PTPRD: variants seen among roughly 807,000 people sequenced by gnomAD.
PTPRD encodes receptor-type tyrosine-protein phosphatase delta.
Under a neutral mutation model 214.5 loss-of-function variants are expected in PTPRD, and 34 were observed. That is an observed-to-expected ratio of 0.16 (90% CI 0.12 to 0.21). PTPRD has a LOEUF of 0.21. Among genes scored for constraint, PTPRD ranks in the 10% least tolerant of loss-of-function variants. The pLI, the probability that PTPRD is intolerant of heterozygous loss-of-function variation, is 1.00. For missense variants in PTPRD, 2,545 were observed against 2,398.7 expected, an observed-to-expected ratio of 1.06 and a Z score of -1.27; for synonymous variants, 1,128 against 845.7, an observed-to-expected ratio of 1.33 and a Z score of -5.79.
chr9:8,756,972 C>A (rs1029528716), intron 11 of PTPRD, among the ~76,000 whole-genome samples: 1 of 151,990 alleles, frequency 6.6e-6, no homozygotes, highest in African/African-American at 2.4e-5. Context: ...GAAACCCTGT[C>A]TCTACTAAAA....
intron 9 of PTPRD, among the ~76,000 whole-genome samples, chr9:9,241,281 T>G (rs1342382522): frequency 3.9e-5 from 6 of 152,210 alleles, no homozygotes; most frequent in African/African-American, 1.4e-4. Flanking sequence ...GTAAATAGAA[T>G]GAAAATATTT....
chr9:9,333,283 G>C (rs942419822), intron 9 of PTPRD, among the ~76,000 whole-genome samples: 1 of 151,478 alleles, frequency 6.6e-6, no homozygotes, highest in Non-Finnish European at 1.5e-5. Context: ...GTAACAGAAA[G>C]GCAGAAAGAA....
At chr9:9,239,548 C>T (rs1274769114) in intron 9 of PTPRD, among the ~76,000 whole-genome samples, 1 of 152,100 alleles carries the variant, frequency 6.6e-6, no homozygotes. Context: ...TTGATACTTG[C>T]CTGATTTATT....
chr9:8,784,258 T>A (rs922294402), intron 11 of PTPRD, among the ~76,000 whole-genome samples: 2 of 152,216 alleles, frequency 1.3e-5, no homozygotes, highest in Non-Finnish European at 1.5e-5. Flanking sequence ...GGAAAGGTTA[T>A]TTTTAACTGG....
chr9:8,521,145 G>A, intron 20 of PTPRD, 132 bp downstream of exon 20: 1 of 1,084,106 alleles, frequency 9.2e-7, no homozygotes, highest in Non-Finnish European at 1.3e-6. Context: ...CCACAGATAT[G>A]ATTAGGTTAT....
At position 9,078,551 on chromosome 9, in the gene PTPRD, T is replaced by A. The variant is rs553238130; in HGVS notation, c.-142-59816A>T. On this transcript the variant is annotated intron_variant, in intron 10 of 45. Coordinates refer to ENST00000381196, the MANE Select transcript of PTPRD (RefSeq NM_002839.4). ...ATAAGAAAGAAATACTTGGCTCATG[T>A]TCCACTTTTTTATTATAAAACCTTT... 3.9e-5 allele frequency among the ~76,000 whole-genome samples: 6 copies of A among 152,228 alleles called. No individual in the cohort carries two copies. The South Asian group carries it at 1.2e-3, about 31-fold the overall frequency.
intron 7 of PTPRD, among the ~76,000 whole-genome samples, chr9:9,650,427 T>C (rs1161174472): frequency 6.6e-6 from 1 of 152,230 alleles, no homozygotes; most frequent in African/African-American, 2.4e-5. Context: ...TTATGGTGGA[T>C]AAGCTTTTAG....
chr9:8,818,451 T>A (rs528191086), intron 11 of PTPRD, among the ~76,000 whole-genome samples: 1 of 152,218 alleles, frequency 6.6e-6, no homozygotes, highest in Non-Finnish European at 1.5e-5. Flanking sequence ...ACAGGCCAGG[T>A]AGTGTCCTAA....
In PTPRD at chr9:9,211,523, A is replaced by G. The variant is rs879848172; in HGVS notation, c.-202-28160T>C. Among the ~76,000 whole-genome samples the G allele has an allele frequency of 7.6e-3, 497 of 65,208 alleles. 3 individuals carry two copies. Among genetic ancestry groups the G allele is most frequent in the African/African-American group, 0.018 (452 of 25,026 alleles). The allele number at this position is 65,208 out of a possible 152,430, so 42.8% of individuals were successfully genotyped here. On this transcript the variant is annotated intron_variant, in intron 9 of 45. Coordinates refer to ENST00000381196, the MANE Select transcript of PTPRD (RefSeq NM_002839.4). ...TCCCCCAGTGTGCGCACGCACACAC[A>G]CACACACACACACACACACACACAC... is the stretch of plus-strand genomic sequence containing the variant.
At position 8,479,028 on chromosome 9, in the gene PTPRD, C is replaced by T. The variant is rs191197927; in HGVS notation, c.3413+5091G>A. 1.6e-4 allele frequency among the ~76,000 whole-genome samples: 25 copies of T among 152,222 alleles called. 1 individual carries two copies. In the East Asian group the frequency reaches 2.3e-3, roughly 14 times the overall value. On this transcript the variant is annotated intron_variant, in intron 30 of 45. Transcript: ENST00000381196. Reference sequence around the variant, plus strand: ...AAATAAAAGTTAGCAACCTGCCCACCGTTCTGGAATGAGTTCTGTTTCTTC... The same window carrying T: ...AAATAAAAGTTAGCAACCTGCCCACTGTTCTGGAATGAGTTCTGTTTCTTC...
chr9:9,914,875 C>G (rs1397804537), intron 5 of PTPRD, among the ~76,000 whole-genome samples: 1 of 152,142 alleles, frequency 6.6e-6, no homozygotes, highest in Non-Finnish European at 1.5e-5. Flanking sequence ...AACAGACCCA[C>G]AGGCTGCCCT....
intron 8 of PTPRD, among the ~76,000 whole-genome samples, chr9:9,512,878 A>AG (rs2096742670): frequency 6.6e-6 from 1 of 151,480 alleles, no homozygotes; most frequent in Non-Finnish European, 1.5e-5. Context: ...ATGAAAAAAA[A>AG]AAACACAATA....
At chr9:10,554,928 G>T (rs1173761578) in intron 2 of PTPRD, among the ~76,000 whole-genome samples, 1 of 152,048 alleles carries the variant, frequency 6.6e-6, no homozygotes, top group Non-Finnish European at 1.5e-5. Flanking sequence ...CCAAAGTGCT[G>T]GGATTACAGG....
At chr9:10,135,177 G>C (rs2098932952) in intron 3 of PTPRD, among the ~76,000 whole-genome samples, 1 of 152,108 alleles carries the variant, frequency 6.6e-6, no homozygotes, top group Non-Finnish European at 1.5e-5. Context: ...CAAAAATAAA[G>C]AAGAAAGAAT....
chr9:8,769,208 A>G (rs1383334884), intron 11 of PTPRD, among the ~76,000 whole-genome samples: 1 of 152,272 alleles, frequency 6.6e-6, no homozygotes, highest in Non-Finnish European at 1.5e-5. Flanking sequence ...GCATTGTATC[A>G]GGAAACATTT....
chr9:9,379,799 G>A (rs1333033419), intron 9 of PTPRD, among the ~76,000 whole-genome samples: 1 of 151,882 alleles, frequency 6.6e-6, no homozygotes, highest in African/African-American at 2.4e-5. Flanking sequence ...GCTAATGTAA[G>A]TGTTATTTTG....
intron 33 of PTPRD, among the ~76,000 whole-genome samples, chr9:8,454,175 A>G (rs1192957710): frequency 6.6e-6 from 1 of 152,194 alleles, no homozygotes; most frequent in East Asian, 1.9e-4. Flanking sequence ...AAATGCTAAT[A>G]TCATTAGGTG....
At chr9:10,604,818 T>C (rs2078890611) in intron 2 of PTPRD, among the ~76,000 whole-genome samples, 1 of 151,886 alleles carries the variant, frequency 6.6e-6, no homozygotes, top group African/African-American at 2.4e-5. Context: ...AAATTACAAA[T>C]GGGAAATATT....
intron 8 of PTPRD, among the ~76,000 whole-genome samples, chr9:9,477,141 T>C (rs1000184874): frequency 7.9e-5 from 12 of 152,184 alleles, no homozygotes; most frequent in African/African-American, 2.4e-4. Flanking sequence ...ATGTAGGCCA[T>C]TGGAAAAGAC....
Sources: gnomAD v4.1 joint callset for allele counts (sites outside exome capture counted in the v4.1 genomes callset) on GRCh38, gnomAD v4.1.1 for gene constraint, MANE v1.5 for transcripts, NCBI Gene and HGNC (gene_info 2026-07-23, HGNC 2026-07-21) for gene names.